The following NTN4 variants were observed in gnomAD, a reference collection of about 807,000 sequenced individuals.
The protein encoded by NTN4 is netrin 4.
Under a neutral mutation model 73.6 loss-of-function variants are expected in NTN4, and 32 were observed. The observed-to-expected ratio is 0.44, with a 90% confidence interval of 0.33 to 0.58. The LOEUF (loss-of-function observed/expected upper bound fraction) is 0.58. Ranked by LOEUF, NTN4 falls within the 20% of genes least tolerant of loss-of-function variation. NTN4 has a pLI of 0.04. For synonymous variants in NTN4, 258 were observed against 287.5 expected (o/e 0.90, Z 1.04); for missense variants, 654 against 798.3 (o/e 0.82, Z 2.18).
intron 3 of NTN4, among the ~76,000 whole-genome samples, chr12:95,720,924 C>G (rs1157078452): frequency 6.6e-6 from 1 of 152,180 alleles, no homozygotes; most frequent in Non-Finnish European, 1.5e-5. Context: ...AACTCAATTC[C>G]TTTACACGAA....
intron 9 of NTN4, among the ~76,000 whole-genome samples, chr12:95,662,218 G>T (rs1454337968): frequency 3.5e-4 from 32 of 92,464 alleles, no homozygotes; most frequent in African/African-American, 1.1e-3. Flanking sequence ...CTCTCCTTCT[G>T]TTCTTCCTTT....
At chr12:95,708,990 A>G (rs910208260) in intron 5 of NTN4, among the ~76,000 whole-genome samples, 3 of 152,196 alleles carry the variant, frequency 2.0e-5, no homozygotes, top group Non-Finnish European at 4.4e-5. Flanking sequence ...GAGAAATATT[A>G]TGACACAGAT....
chr12:95,749,921 CCCG>C (rs1565906715), intron 2 of NTN4, among the ~76,000 whole-genome samples: 19 of 145,532 alleles, frequency 1.3e-4, no homozygotes, highest in Admixed American at 8.9e-4. Context: ...AGTGGCAAGT[CCCG>C]CTTTTCTGGG....
At chr12:95,723,404 A>G (rs1013942378) in intron 3 of NTN4, among the ~76,000 whole-genome samples, 17 of 152,308 alleles carry the variant, frequency 1.1e-4, no homozygotes, top group African/African-American at 3.8e-4. Context: ...GAAATGATTA[A>G]TAATGCAAAT....
At chr12:95,695,269 T>TA (rs2121034040) in intron 5 of NTN4, among the ~76,000 whole-genome samples, 1 of 152,322 alleles carries the variant, frequency 6.6e-6, no homozygotes, top group South Asian at 2.1e-4. Context: ...GATCTGCCTC[T>TA]AAAGCTTTAA....
intron 5 of NTN4, among the ~76,000 whole-genome samples, chr12:95,699,062 C>A (rs570862044): frequency 6.7e-6 from 1 of 148,714 alleles, no homozygotes; most frequent in Non-Finnish European, 1.5e-5. Context: ...AGTTTCCCAA[C>A]TATTACTGCC....
intron 2 of NTN4, 59 bp downstream of exon 2, chr12:95,786,880 G>A: frequency 7.2e-7 from 1 of 1,389,884 alleles, no homozygotes; most frequent in Non-Finnish European, 9.9e-7. Flanking sequence ...AAAAAAAAAT[G>A]CGGGCTGGTA....
intron 5 of NTN4, among the ~76,000 whole-genome samples, chr12:95,693,916 GACAGGA>G (rs1190331329): frequency 6.6e-6 from 1 of 151,910 alleles, no homozygotes; most frequent in Admixed American, 6.6e-5. Flanking sequence ...ACAAGCACAA[GACAGGA>G]ACATAATGGA....
intron 2 of NTN4, among the ~76,000 whole-genome samples, chr12:95,770,992 G>GTTTTGTTTTTCTTTTTTTTT (rs1555221586): frequency 6.8e-4 from 48 of 70,804 alleles, no homozygotes; most frequent in Middle Eastern, 8.8e-3. Flanking sequence ...AAAAGAATTT[G>GTTTTGTTTTTCTTTTTTTTT]TTTTTTTTTT....
chr12:95,785,931 T>C (rs1193400518), intron 2 of NTN4, among the ~76,000 whole-genome samples: 1 of 152,144 alleles, frequency 6.6e-6, no homozygotes, highest in Non-Finnish European at 1.5e-5. Flanking sequence ...GAACGCTATT[T>C]TGTGCATCGT....
chr12:95,776,051 G>A (rs1216197253), intron 2 of NTN4, among the ~76,000 whole-genome samples: 2 of 152,132 alleles, frequency 1.3e-5, no homozygotes, highest in African/African-American at 4.8e-5. Context: ...AGGCAAACAG[G>A]GTCTGGAGTA....
chr12:95,723,241 C>T (rs576854739), intron 3 of NTN4, among the ~76,000 whole-genome samples: 2 of 151,870 alleles, frequency 1.3e-5, no homozygotes, highest in African/African-American at 2.4e-5. Flanking sequence ...AATTACCTTT[C>T]CTGCTGTCGG....
chr12:95,772,052 T>G (rs1463729934), intron 2 of NTN4, among the ~76,000 whole-genome samples: 2 of 152,116 alleles, frequency 1.3e-5, no homozygotes, highest in African/African-American at 4.8e-5. Context: ...TCTTTCTTGT[T>G]TTTTGAGACA....
intron 6 of NTN4, 57 bp downstream of exon 6, chr12:95,683,440 AG>A (rs2078334547): frequency 6.7e-7 from 1 of 1,489,958 alleles, no homozygotes. Flanking sequence ...AAATCACTAT[AG>A]GTTTTCAAAA....
chr12:95,659,320 AG>A lies in NTN4; in HGVS notation c.1751-99del. 4 of 932,346 alleles carry A rather than the reference AG, an allele frequency of 4.3e-6. No homozygotes were observed. The South Asian group carries it at 7.0e-5, about 16-fold the overall frequency. The allele number at this position is 932,346 out of a possible 1,614,324, so 57.8% of individuals were successfully genotyped here. On this transcript the variant is annotated intron_variant, in intron 9 of 9. Transcript: ENST00000343702. ...TTTCTTTTGCATTTATTTTGAGACAAGGTCTTGCTCTGTTACCCAGGCTGGA... is the reference window on the plus strand; with the variant it reads ...TTTCTTTTGCATTTATTTTGAGACAAGTCTTGCTCTGTTACCCAGGCTGGA...
intron 2 of NTN4, among the ~76,000 whole-genome samples, chr12:95,761,778 A>T (rs959860514): frequency 1.3e-5 from 2 of 152,174 alleles, no homozygotes; most frequent in African/African-American, 4.8e-5. Context: ...TAATTCTTTA[A>T]GTCTACCTAA....
At chr12:95,734,999 A>C (rs569611107) in intron 3 of NTN4, among the ~76,000 whole-genome samples, 11 of 152,354 alleles carry the variant, frequency 7.2e-5, no homozygotes, top group African/African-American at 2.6e-4. Context: ...AGATCGTGCC[A>C]TTGCACTCCA....
At chr12:95,730,074 T>TG (rs1224547511) in intron 3 of NTN4, among the ~76,000 whole-genome samples, 1 of 152,210 alleles carries the variant, frequency 6.6e-6, no homozygotes, top group East Asian at 1.9e-4. Flanking sequence ...CTTGAATATT[T>TG]GGGGAGTACT....
rs558867540 is a variant in NTN4 at position 95,745,913 on chromosome 12, A to T, written c.586-7769T>A. On this transcript the variant is annotated intron_variant, in intron 2 of 9. Transcript: ENST00000343702. Reference sequence around the variant, plus strand: ...GTGATACTCTTCGAATTACTCTAACAATGAATTACAAGGTTTTCCACACTG... The same window carrying T: ...GTGATACTCTTCGAATTACTCTAACTATGAATTACAAGGTTTTCCACACTG... 2.6e-5 allele frequency among the ~76,000 whole-genome samples: 4 copies of T among 152,304 alleles called. No individual in the cohort carries two copies. The South Asian group carries it at 8.3e-4, about 32-fold the overall frequency.
Sources: gnomAD v4.1 joint callset for allele counts (sites outside exome capture counted in the v4.1 genomes callset) on GRCh38, gnomAD v4.1.1 for gene constraint, MANE v1.5 for transcripts, NCBI Gene and HGNC (gene_info 2026-07-23, HGNC 2026-07-21) for gene names.